Variants in STARD8 observed in about 807,000 individuals in gnomAD.
STARD8 encodes the protein StAR related lipid transfer domain containing 8.
STARD8 carries 25 observed loss-of-function variants against 69.4 expected under a neutral mutation model. That is an observed-to-expected ratio of 0.36 (90% CI 0.26 to 0.50). The LOEUF (loss-of-function observed/expected upper bound fraction) is 0.50, where lower values mean the gene tolerates loss of function less well. Ranked by LOEUF, STARD8 falls within the 20% of genes least tolerant of loss-of-function variation. The probability of loss-of-function intolerance (pLI) is 0.96; values close to 1 mark genes in which losing one functional copy is unlikely to be tolerated. For missense variants in STARD8, 921 were observed against 932.5 expected, an observed-to-expected ratio of 0.99 and a Z score of 0.16; for synonymous variants, 389 against 374.6, an observed-to-expected ratio of 1.04 and a Z score of -0.45.
chrX:68,696,072 T>G (rs1028947135), intron 2 of STARD8, among the ~76,000 whole-genome samples: 1 of 112,568 alleles, frequency 8.9e-6, no homozygotes, highest in African/African-American at 3.2e-5. Context: ...GCCTCTGCCT[T>G]GAAAAGAAGA....
chrX:68,723,933 C>T lies in STARD8; in HGVS notation c.3018-12C>T, dbSNP rs754018884. On this transcript the variant is annotated splice_polypyrimidine_tract_variant and intron_variant, in intron 13 of 14. Transcript: ENST00000374599. Reference sequence around the variant, plus strand: ...ACTAGGAATCTGAGCCTACGTGTCCCTTCTCCAATAGGATGTGGCGCTCTG... The same window carrying T: ...ACTAGGAATCTGAGCCTACGTGTCCTTTCTCCAATAGGATGTGGCGCTCTG... 3.7e-5 allele frequency: 45 copies of T among 1,209,761 alleles called. No individual in the cohort carries two copies. The highest frequency in any genetic ancestry group is 4.9e-5 in the Non-Finnish European group (44 of 894,806).
chrX:68,693,691 T>G, intron 2 of STARD8: 4 of 754,916 alleles, frequency 5.3e-6, no homozygotes, highest in Non-Finnish European at 6.3e-6. Flanking sequence ...CAGCTGCTCT[T>G]CTGGCTGGCA....
At chrX:68,693,380 C>T (rs905121274) in intron 2 of STARD8, among the ~76,000 whole-genome samples, 1 of 112,947 alleles carries the variant, frequency 8.9e-6, no homozygotes, top group African/African-American at 3.2e-5. Context: ...ATTCAGAACT[C>T]AATAAATATT....
chrX:68,652,881 C>CACACACACCACACCAA (rs2079561677), intron 1 of STARD8, among the ~76,000 whole-genome samples: 1 of 832 alleles, frequency 1.2e-3, no homozygotes. Context: ...ACCCACACCC[C>CACACACACCACACCAA]ACACACACAC....
chrX:68,680,430 G>A (rs1460071165), intron 2 of STARD8, among the ~76,000 whole-genome samples: 1 of 112,254 alleles, frequency 8.9e-6, no homozygotes, highest in Non-Finnish European at 1.9e-5. Context: ...CCTAGAATCC[G>A]AGGGGGACAC....
At chrX:68,664,012 C>T (rs1205212284) in intron 1 of STARD8, among the ~76,000 whole-genome samples, 1 of 111,484 alleles carries the variant, frequency 9.0e-6, no homozygotes. Flanking sequence ...TAATCTAAGG[C>T]TGAGACAAAT....
chrX:68,691,634 C>T (rs915366089), intron 2 of STARD8, among the ~76,000 whole-genome samples: 3 of 112,561 alleles, frequency 2.7e-5, no homozygotes, highest in African/African-American at 9.7e-5. Context: ...CACTGTCATT[C>T]GACAAGCATT....
At chrX:68,706,196 G>T (rs1240625081) in intron 2 of STARD8, among the ~76,000 whole-genome samples, 1 of 112,301 alleles carries the variant, frequency 8.9e-6, no homozygotes, top group Non-Finnish European at 1.9e-5. Flanking sequence ...ACAAGCCAGA[G>T]GCCAGCCAGG....
At chrX:68,693,546 C>A (rs910893049) in intron 2 of STARD8, 2 of 631,486 alleles carry the variant, frequency 3.2e-6, no homozygotes, top group Non-Finnish European at 3.8e-6. Context: ...GACTTTCTGG[C>A]GAGTCCGGTG....
intron 2 of STARD8, among the ~76,000 whole-genome samples, chrX:68,675,173 A>T (rs779499703): frequency 4.4e-4 from 48 of 109,619 alleles, no homozygotes; most frequent in Middle Eastern, 4.7e-3. Flanking sequence ...GGCCAGGCTG[A>T]TCTCGAACTC....
chrX:68,707,570 A>C (rs2080017872), intron 2 of STARD8, among the ~76,000 whole-genome samples: 2 of 111,967 alleles, frequency 1.8e-5, no homozygotes, highest in South Asian at 7.5e-4. Flanking sequence ...TAATTTAACT[A>C]GTCATGGGTG....
intron 1 of STARD8, among the ~76,000 whole-genome samples, chrX:68,658,232 A>G (rs1390499473): frequency 8.9e-6 from 1 of 112,389 alleles, no homozygotes; most frequent in Non-Finnish European, 1.9e-5. Context: ...TCATTTCACC[A>G]TCACAATAAT....
chrX:68,669,703 G>C lies in STARD8; in HGVS notation c.79+4171G>C, dbSNP rs750580728. Among the ~76,000 whole-genome samples the C allele has an allele frequency of 3.1e-3, 345 of 112,236 alleles. 3 individuals are homozygous for C. Among genetic ancestry groups the C allele is most frequent in the African/African-American group, 0.011 (333 of 30,854 alleles). ...CCAACTGGCTCCAGTCTGGCTGCAGGCTTGGCCTCAGCATCAGACTCATCC... is the reference window on the plus strand; with the variant it reads ...CCAACTGGCTCCAGTCTGGCTGCAGCCTTGGCCTCAGCATCAGACTCATCC... On this transcript the variant is annotated intron_variant, in intron 2 of 14. Transcript: ENST00000374599.
At chrX:68,677,009 G>A (rs2147890115) in intron 2 of STARD8, among the ~76,000 whole-genome samples, 1 of 110,020 alleles carries the variant, frequency 9.1e-6, no homozygotes. Flanking sequence ...AGCCAGGTGT[G>A]GTGGTACATG....
chrX:68,688,502 A>T (rs774394522), intron 2 of STARD8, among the ~76,000 whole-genome samples: 1 of 108,309 alleles, frequency 9.2e-6, no homozygotes, highest in African/African-American at 3.5e-5. Context: ...TGACGATGGA[A>T]CCTGTGAATG....
rs187368181 is a variant in STARD8 at position 68,665,501 on chromosome X, C to T, written c.48C>T (p.Cys16=). Residue 16 remains cysteine, a splice_region_variant and synonymous_variant, in exon 2 of 15, where the codon TGC becomes TGT. Coordinates refer to ENST00000374599, the MANE Select transcript of STARD8 (RefSeq NM_001142503.3). ...CTTCTTCTCTGTTTCTTTTGCAGTG[C>T]TTCCCATTGCTGCAGGTGAAGAAGA... ...VFWSCFRKVK[C]FPLLQVKKNA... 8.7e-4 allele frequency: 1,049 copies of T among 1,206,620 alleles called. 11 individuals carry two copies. In the African/African-American group the frequency reaches 0.016, roughly 19 times the overall value.
At chrX:68,716,471 CCATAA>C (rs1177915586) in intron 5 of STARD8, 40 bp downstream of exon 5, 2 of 1,176,592 alleles carry the variant, frequency 1.7e-6, no homozygotes, top group Non-Finnish European at 2.3e-6. Flanking sequence ...TCTTGTGGTG[CCATAA>C]GGAAACCCAG....
intron 1 of STARD8, among the ~76,000 whole-genome samples, chrX:68,650,261 T>TA (rs1229987086): frequency 1.1e-4 from 12 of 104,914 alleles, no homozygotes; most frequent in South Asian, 4.3e-4. Flanking sequence ...TTATGAAAAA[T>TA]AAAAAAAATT....
chrX:68,697,967 T>A (rs1424369015), intron 2 of STARD8, among the ~76,000 whole-genome samples: 1 of 112,510 alleles, frequency 8.9e-6, no homozygotes, highest in East Asian at 2.8e-4. Flanking sequence ...ACTGCTTGGT[T>A]AATCATTGAG....
Sources: allele counts gnomAD v4.1 joint callset (sites outside exome capture counted in the v4.1 genomes callset), GRCh38; gene constraint gnomAD v4.1.1; transcripts MANE v1.5; gene names NCBI Gene and HGNC (gene_info 2026-07-23, HGNC 2026-07-21).